CACNA2D3: variants seen among roughly 807,000 people sequenced by gnomAD.
CACNA2D3 encodes the protein voltage-dependent calcium channel subunit alpha-2/delta-3.
CACNA2D3 carries 60 observed loss-of-function variants against 160.6 expected under a neutral mutation model. The ratio of observed to expected loss-of-function variants is 0.37; its 90% CI spans 0.30 to 0.46. The LOEUF (loss-of-function observed/expected upper bound fraction) is 0.46, where lower values mean the gene tolerates loss of function less well. CACNA2D3 is among the 20% of genes least tolerant of loss of function. The pLI, the probability that CACNA2D3 is intolerant of heterozygous loss-of-function variation, is 1.00. For missense variants in CACNA2D3, 1,205 were observed against 1,365.0 expected (o/e 0.88, Z 1.85); for synonymous variants, 558 against 492.9 (o/e 1.13, Z -1.75).
At chr3:54,432,956 A>C (rs1700010628) in intron 4 of CACNA2D3, among the ~76,000 whole-genome samples, 1 of 152,180 alleles carries the variant, frequency 6.6e-6, no homozygotes, top group African/African-American at 2.4e-5. Flanking sequence ...TGGGTCAAAA[A>C]AAAATTAAGT....
chr3:54,638,298 A>G (rs560878332), intron 10 of CACNA2D3: 2 of 152,114 alleles, frequency 1.3e-5, no homozygotes, highest in East Asian at 1.9e-4. Context: ...ATTTGATGAA[A>G]AAGAGCCTAA....
chr3:55,070,703 T>G (rs185782757), intron 35 of CACNA2D3, among the ~76,000 whole-genome samples: 12 of 152,308 alleles, frequency 7.9e-5, no homozygotes, highest in African/African-American at 1.9e-4. Flanking sequence ...ATTTGCGACC[T>G]TTATTTATTT....
At chr3:54,518,215 C>T (rs1383182008) in intron 5 of CACNA2D3, among the ~76,000 whole-genome samples, 1 of 152,174 alleles carries the variant, frequency 6.6e-6, no homozygotes, top group African/African-American at 2.4e-5. Context: ...CCCATCCCCG[C>T]TCCTCCCTTT....
At chr3:54,257,669 G>A (rs956149575) in intron 2 of CACNA2D3, among the ~76,000 whole-genome samples, 6 of 152,070 alleles carry the variant, frequency 3.9e-5, no homozygotes, top group African/African-American at 1.4e-4. Context: ...GAGTTTGCTG[G>A]CCAACATTAA....
At chr3:54,833,001 TAAG>T (rs1404159038) in intron 14 of CACNA2D3, among the ~76,000 whole-genome samples, 3 of 152,180 alleles carry the variant, frequency 2.0e-5, no homozygotes, top group Non-Finnish European at 4.4e-5. Context: ...AATCAAGTAT[TAAG>T]GAGTAGGCCT....
intron 11 of CACNA2D3, among the ~76,000 whole-genome samples, chr3:54,686,892 G>A (rs559406251): frequency 3.5e-4 from 53 of 152,178 alleles, no homozygotes; most frequent in Non-Finnish European, 5.7e-4. Context: ...TGTAAATATG[G>A]TTAAGGGTGA....
At chr3:54,715,849 G>A (rs1387041471) in intron 11 of CACNA2D3, among the ~76,000 whole-genome samples, 1 of 152,180 alleles carries the variant, frequency 6.6e-6, no homozygotes, top group East Asian at 1.9e-4. Context: ...AACACAGAAA[G>A]ACAAATATGT....
At chr3:54,277,689 G>T (rs977387021) in intron 2 of CACNA2D3, among the ~76,000 whole-genome samples, 3 of 152,116 alleles carry the variant, frequency 2.0e-5, no homozygotes, top group Admixed American at 2.0e-4. Flanking sequence ...GCTTGATGGG[G>T]ATAGCATTGA....
chr3:54,550,389 T>C (rs376151456), intron 5 of CACNA2D3, among the ~76,000 whole-genome samples: 4 of 152,292 alleles, frequency 2.6e-5, no homozygotes, highest in East Asian at 1.9e-4. Flanking sequence ...GTGAGCGTGA[T>C]GGAGTGCGAG....
At chr3:54,801,231 G>C (rs187994737) in intron 13 of CACNA2D3, among the ~76,000 whole-genome samples, 1 of 152,038 alleles carries the variant, frequency 6.6e-6, no homozygotes, top group Non-Finnish European at 1.5e-5. Context: ...CAAGTGATCT[G>C]CCCATTTTGG....
chr3:54,124,652 A>G (rs1699550840), intron 2 of CACNA2D3, among the ~76,000 whole-genome samples: 1 of 152,152 alleles, frequency 6.6e-6, no homozygotes, highest in Non-Finnish European at 1.5e-5. Context: ...ATTTTTGGGG[A>G]CAGTATATGA....
intron 2 of CACNA2D3, among the ~76,000 whole-genome samples, chr3:54,227,675 C>G (rs1701699968): frequency 6.6e-6 from 1 of 152,158 alleles, no homozygotes; most frequent in Admixed American, 6.5e-5. Context: ...ATGCCTCAGC[C>G]TCCCGAGTAG....
At chr3:54,427,139 T>A (rs971591702) in intron 4 of CACNA2D3, among the ~76,000 whole-genome samples, 1 of 152,194 alleles carries the variant, frequency 6.6e-6, no homozygotes, top group Non-Finnish European at 1.5e-5. Flanking sequence ...GTATGTTTAC[T>A]TGGGCGTGAA....
Position 54,386,684 on chromosome 3 carries a change from G to T in CACNA2D3, c.322-31G>T, listed in dbSNP as rs746444219. 1.3e-5 allele frequency: 20 copies of T among 1,498,608 alleles called. No homozygotes were observed. The East Asian group carries it at 1.7e-4, about 12-fold the overall frequency. 92.8% of individuals were successfully genotyped at this position (1,498,608 alleles called of 1,614,324 possible). On this transcript the variant is annotated intron_variant, in intron 3 of 37. Coordinates refer to ENST00000474759, the MANE Select transcript of CACNA2D3 (RefSeq NM_018398.3). Reference sequence around the variant, plus strand: ...TCAGGCCACAATTCTGATCCTTAATGCTGTCTTCTGTTTTTTTTTTTTTTT... The same window carrying T: ...TCAGGCCACAATTCTGATCCTTAATTCTGTCTTCTGTTTTTTTTTTTTTTT...
intron 4 of CACNA2D3, among the ~76,000 whole-genome samples, chr3:54,418,425 A>G (rs1699788758): frequency 6.6e-6 from 1 of 152,168 alleles, no homozygotes; most frequent in African/African-American, 2.4e-5. Flanking sequence ...GGCCAGAGGA[A>G]AAGGAGGAAT....
chr3:54,710,893 T>C (rs562474882), intron 11 of CACNA2D3, among the ~76,000 whole-genome samples: 4 of 152,302 alleles, frequency 2.6e-5, no homozygotes, highest in South Asian at 4.1e-4. Flanking sequence ...TTACCTACAA[T>C]TGAAAATGTT....
intron 5 of CACNA2D3, among the ~76,000 whole-genome samples, chr3:54,516,638 C>G (rs139261811): frequency 6.6e-6 from 1 of 152,278 alleles, no homozygotes; most frequent in African/African-American, 2.4e-5. Flanking sequence ...AGTGAAAAGT[C>G]TCTGGGTTCC....
chr3:54,557,673 C>A (rs2106697401), intron 5 of CACNA2D3, among the ~76,000 whole-genome samples: 1 of 152,240 alleles, frequency 6.6e-6, no homozygotes, highest in East Asian at 1.9e-4. Flanking sequence ...GTATTTGCAT[C>A]TTTGTGGATT....
intron 35 of CACNA2D3, among the ~76,000 whole-genome samples, chr3:55,023,652 C>A (rs913870531): frequency 6.6e-6 from 1 of 152,064 alleles, no homozygotes; most frequent in Non-Finnish European, 1.5e-5. Context: ...TCTCTGGGAA[C>A]AGAATAGAAT....
Sources: allele counts gnomAD v4.1 joint callset (sites outside exome capture counted in the v4.1 genomes callset), GRCh38; gene constraint gnomAD v4.1.1; transcripts MANE v1.5; gene names NCBI Gene and HGNC (gene_info 2026-07-23, HGNC 2026-07-21).